Variants in KCMF1 observed in about 807,000 individuals in gnomAD.
KCMF1 encodes E3 ubiquitin-protein ligase KCMF1.
KCMF1 carries 3 observed loss-of-function variants against 41.1 expected under a neutral mutation model. The observed-to-expected ratio is 0.07, with a 90% CI of 0.03 to 0.19. The LOEUF (loss-of-function observed/expected upper bound fraction) is 0.19. Among genes scored for constraint, KCMF1 ranks in the 10% least tolerant of loss-of-function variants. The pLI is 1.00. For missense variants in KCMF1, 286 were observed against 488.9 expected, an observed-to-expected ratio of 0.58 and a Z score of 3.91; for synonymous variants, 142 against 164.5, an observed-to-expected ratio of 0.86 and a Z score of 1.04.
intron 1 of KCMF1, among the ~76,000 whole-genome samples, chr2:84,998,125 C>A (rs1393828225): frequency 6.6e-6 from 1 of 151,792 alleles, no homozygotes; most frequent in Non-Finnish European, 1.5e-5. Flanking sequence ...GAGTTTCTCT[C>A]TTGTTGCCCA....
chr2:84,979,149 T>C (rs1194484528), intron 1 of KCMF1, among the ~76,000 whole-genome samples: 4 of 151,948 alleles, frequency 2.6e-5, no homozygotes, highest in African/African-American at 4.8e-5. Flanking sequence ...CCTGGCCATG[T>C]TTTTTTTGTT....
At chr2:84,971,514 A>C in intron 1 of KCMF1, 47 bp downstream of exon 1, 1 of 1,108,370 alleles carries the variant, frequency 9.0e-7, no homozygotes. Flanking sequence ...GCCTCGGCCT[A>C]CCCCGCCCGG....
intron 1 of KCMF1, among the ~76,000 whole-genome samples, chr2:85,012,761 A>T (rs1475227284): frequency 6.6e-6 from 1 of 152,200 alleles, no homozygotes; most frequent in Non-Finnish European, 1.5e-5. Context: ...ACAGAGCTTT[A>T]TGTTTGTTGT....
intron 1 of KCMF1, among the ~76,000 whole-genome samples, chr2:85,024,604 G>C (rs1416258739): frequency 6.6e-6 from 1 of 151,850 alleles, no homozygotes; most frequent in Admixed American, 6.6e-5. Flanking sequence ...GTGTGTGTGT[G>C]TGCGCGTGTG....
At chr2:84,997,856 C>T (rs1322611553) in intron 1 of KCMF1, among the ~76,000 whole-genome samples, 1 of 148,528 alleles carries the variant, frequency 6.7e-6, no homozygotes, top group Non-Finnish European at 1.5e-5. Flanking sequence ...CTGCAACGTC[C>T]GCCTCCTGGA....
At chr2:85,024,645 GT>G (rs1314768222) in intron 1 of KCMF1, among the ~76,000 whole-genome samples, 2 of 151,072 alleles carry the variant, frequency 1.3e-5, no homozygotes, top group African/African-American at 2.4e-5. Context: ...TTAAGAAATT[GT>G]TTTCTACTTT....
intron 3 of KCMF1, 33 bp downstream of exon 3, chr2:85,035,188 A>T (rs1675378349): frequency 6.3e-7 from 1 of 1,587,472 alleles, no homozygotes; most frequent in Non-Finnish European, 8.6e-7. Context: ...GACTAAAATG[A>T]TGTTGTAAAG....
At chr2:85,052,305 A>C (rs1675827796) in intron 6 of KCMF1, among the ~76,000 whole-genome samples, 1 of 152,160 alleles carries the variant, frequency 6.6e-6, no homozygotes, top group Non-Finnish European at 1.5e-5. Context: ...TCCTGACCTC[A>C]GGTGATCCGC....
chr2:85,013,400 A>G (rs1371932873), intron 1 of KCMF1, among the ~76,000 whole-genome samples: 3 of 152,186 alleles, frequency 2.0e-5, no homozygotes, highest in Non-Finnish European at 2.9e-5. Context: ...TAACATTAAA[A>G]AAACATTTAG....
chr2:85,032,938 T>A (rs1215295625), intron 2 of KCMF1, among the ~76,000 whole-genome samples: 3 of 152,206 alleles, frequency 2.0e-5, no homozygotes, highest in African/African-American at 7.2e-5. Context: ...GGATAGATCC[T>A]CCAGTAAAAT....
chr2:85,007,116 A>G (rs1055727341), intron 1 of KCMF1, among the ~76,000 whole-genome samples: 4 of 151,756 alleles, frequency 2.6e-5, no homozygotes, highest in African/African-American at 2.4e-5. Context: ...AAAAAAAAAA[A>G]AAAAAAGAAA....
intron 1 of KCMF1, among the ~76,000 whole-genome samples, chr2:84,990,567 G>C (rs1286044951): frequency 3.9e-5 from 6 of 152,084 alleles, no homozygotes; most frequent in Non-Finnish European, 7.4e-5. Flanking sequence ...TCAATACTTT[G>C]GGAGGCTGAG....
At chr2:84,988,844 A>T (rs186602893) in intron 1 of KCMF1, among the ~76,000 whole-genome samples, 1 of 152,224 alleles carries the variant, frequency 6.6e-6, no homozygotes, top group African/African-American at 2.4e-5. Context: ...TTTGTAGGCC[A>T]CATGGTCTTG....
At chr2:84,991,576 T>C (rs1292958998) in intron 1 of KCMF1, among the ~76,000 whole-genome samples, 1 of 152,234 alleles carries the variant, frequency 6.6e-6, no homozygotes, top group Admixed American at 6.5e-5. Context: ...AAGCCCGATG[T>C]GTCTTCTGTG....
At chr2:85,006,641 T>C (rs1674479460) in intron 1 of KCMF1, among the ~76,000 whole-genome samples, 2 of 152,162 alleles carry the variant, frequency 1.3e-5, no homozygotes, top group Non-Finnish European at 2.9e-5. Flanking sequence ...AAAAAAAATC[T>C]AAATAATATT....
At chr2:85,000,308 A>G (rs1558570086) in intron 1 of KCMF1, among the ~76,000 whole-genome samples, 1 of 152,010 alleles carries the variant, frequency 6.6e-6, no homozygotes, top group Non-Finnish European at 1.5e-5. Flanking sequence ...TGTTTTTAGT[A>G]GAGACGGGGT....
intron 1 of KCMF1, among the ~76,000 whole-genome samples, chr2:85,001,045 T>C (rs1049204028): frequency 2.0e-5 from 3 of 151,634 alleles, no homozygotes; most frequent in African/African-American, 7.3e-5. Flanking sequence ...CAGGCTGGTC[T>C]TAAACTCCTG....
chr2:85,032,369 T>TTTTA (rs977619004), intron 2 of KCMF1, among the ~76,000 whole-genome samples: 4 of 150,002 alleles, frequency 2.7e-5, no homozygotes, highest in African/African-American at 7.5e-5. Flanking sequence ...TTTTATTTTA[T>TTTTA]TTTTATTTTA....
rs1192217233 is a variant in KCMF1 at position 85,059,267 on chromosome 2, G to A, written c.*5858G>A. On this transcript the variant is annotated 3_prime_UTR_variant, in exon 7 of 7. Transcript: ENST00000409785. ...TGTTGAATTGCCCTATCGGATAGCA[G>A]CCACCATGTGTGCTGACCACTCACG... 1.3e-5 allele frequency: 2 copies of A among 152,160 alleles called. No homozygotes were observed. The highest frequency in any genetic ancestry group is 3.9e-4 in the East Asian group (2 of 5,194). The allele number at this position is 152,160 out of a possible 1,614,324, so 9.4% of individuals were successfully genotyped here. A position where few individuals can be genotyped will look rare whatever the true frequency, so the allele number is the denominator to read the frequency against.
Sources: gnomAD v4.1 joint callset for allele counts (sites outside exome capture counted in the v4.1 genomes callset) on GRCh38, gnomAD v4.1.1 for gene constraint, MANE v1.5 for transcripts, NCBI Gene and HGNC (gene_info 2026-07-23, HGNC 2026-07-21) for gene names.